Variants in CUX1 observed in about 807,000 individuals in gnomAD.
CUX1 encodes protein CASP.
In CUX1, 31 loss-of-function variants were observed where a neutral mutation model predicts 158.8. The ratio of observed to expected loss-of-function variants is 0.20; its 90% CI spans 0.15 to 0.26. CUX1 has a LOEUF of 0.26. Ranked by LOEUF, CUX1 falls within the 10% of genes least tolerant of loss-of-function variation. CUX1 has a pLI of 1.00. For missense variants in CUX1, 1,589 were observed against 2,014.6 expected (o/e 0.79, Z 4.04); for synonymous variants, 879 against 862.1 (o/e 1.02, Z -0.34).
At chr7:101,977,896 A>G (rs1312302787) in intron 2 of CUX1, among the ~76,000 whole-genome samples, 2 of 152,106 alleles carry the variant, frequency 1.3e-5, no homozygotes, top group East Asian at 3.8e-4. Context: ...ATGTGTGAAA[A>G]TTATTGAAAA....
chr7:102,193,603 G>A (rs1490036513), intron 12 of CUX1, among the ~76,000 whole-genome samples: 4 of 152,260 alleles, frequency 2.6e-5, no homozygotes, highest in East Asian at 1.9e-4. Flanking sequence ...TCAGGAGTTC[G>A]AGACTAGCCT....
chr7:101,840,165 A>G (rs1795068796), intron 1 of CUX1, among the ~76,000 whole-genome samples: 1 of 152,236 alleles, frequency 6.6e-6, no homozygotes. Context: ...GCTTGCTGTT[A>G]ATATTTTTAC....
rs782765843 is a variant in CUX1 at position 102,281,832 on chromosome 7, G to C, written c.1822-8G>C. On this transcript the variant is annotated splice_polypyrimidine_tract_variant and splice_region_variant and intron_variant, in intron 20 of 22. Transcript: ENST00000292538. Reference sequence around the variant, plus strand: ...CCCCATCCCCACTCACCCCCTCCTTGCTCCCAGGGGCGTCTGGTTCTCTCC... The same window carrying C: ...CCCCATCCCCACTCACCCCCTCCTTCCTCCCAGGGGCGTCTGGTTCTCTCC... 2.5e-6 allele frequency: 4 copies of C among 1,607,390 alleles called. No homozygotes were observed. In the Admixed American group the frequency reaches 6.7e-5, roughly 27 times the overall value.
chr7:102,017,146 A>T (rs901512882), intron 2 of CUX1, among the ~76,000 whole-genome samples: 9 of 152,046 alleles, frequency 5.9e-5, no homozygotes, highest in Non-Finnish European at 1.3e-4. Context: ...TCTACTAAAA[A>T]TGCAAAAATT....
intron 2 of CUX1, among the ~76,000 whole-genome samples, chr7:101,970,141 G>C (rs1286059745): frequency 2.0e-5 from 3 of 152,102 alleles, no homozygotes; most frequent in Non-Finnish European, 2.9e-5. Context: ...TCTAATTGCT[G>C]TGCTTGTTAA....
At chr7:101,816,484 G>C (rs1791800723), upstream of CUX1, among the ~76,000 whole-genome samples, 1 of 140,768 alleles carries the variant, frequency 7.1e-6, no homozygotes, top group Non-Finnish European at 1.6e-5. Context: ...GGCCCGCGGG[G>C]TGCGCGCGCG....
intron 8 of CUX1, among the ~76,000 whole-genome samples, chr7:102,150,406 T>C (rs1835510991): frequency 6.6e-6 from 1 of 152,194 alleles, no homozygotes; most frequent in African/African-American, 2.4e-5. Context: ...TCCACCTACC[T>C]CGGCCTCCCA....
intron 8 of CUX1, among the ~76,000 whole-genome samples, chr7:102,147,916 C>A (rs1243811703): frequency 6.6e-6 from 1 of 152,062 alleles, no homozygotes; most frequent in African/African-American, 2.4e-5. Context: ...GCGGAGGTTA[C>A]AGTGAACCGA....
intron 2 of CUX1, among the ~76,000 whole-genome samples, chr7:101,950,382 T>C (rs1808914665): frequency 6.6e-6 from 1 of 152,136 alleles, no homozygotes; most frequent in Non-Finnish European, 1.5e-5. Flanking sequence ...TTATATGAAA[T>C]TCAAATTTCA....
rs1804213722 is a variant in CUX1, at chr7:101,916,387, G to C, written c.141+162G>C. On this transcript the variant is annotated intron_variant, in intron 2 of 23. Transcript: ENST00000292535. This position sits in a 1 kb window ranked among gnomAD's most constrained non-coding sequence, Gnocchi z 4.4. ...TCTTCAGCCCCATTTCCAGCAGAAC[G>C]CATGCCATCCTGCAGGCTGTGGGGA... is the stretch of plus-strand genomic sequence containing the variant. 1 of 551,266 alleles carries C rather than the reference G, an allele frequency of 1.8e-6. No homozygotes were observed. Among genetic ancestry groups the C allele is most frequent in the East Asian group, 3.2e-5 (1 of 31,072 alleles). 34.1% of individuals were successfully genotyped at this position (551,266 alleles called of 1,614,324 possible).
At chr7:102,136,393 T>A (rs75393589) in intron 8 of CUX1, among the ~76,000 whole-genome samples, 233 of 142,042 alleles carry the variant, frequency 1.6e-3, no homozygotes, top group African/African-American at 6.0e-3. Flanking sequence ...TTTTACCAAC[T>A]TTTTTTTTTT....
At position 102,252,154 on chromosome 7, in the gene CUX1, G is replaced by T. The variant is rs1801583889; in HGVS notation, c.*3112G>T. ...AAAAAAAATAGAGATCCTAACCTTA[G>T]ATCTTTGATGTGAAGCTAGCACTGT... On this transcript the variant is annotated 3_prime_UTR_variant, in exon 24 of 24. Coordinates refer to ENST00000292535, the MANE Select transcript of CUX1 (RefSeq NM_181552.4). 1.0e-6 allele frequency: 1 copy of T among 985,082 alleles called. No individual in the cohort carries two copies. Among genetic ancestry groups the T allele is most frequent in the South Asian group, 4.7e-5 (1 of 21,286 alleles). 61.0% of individuals were successfully genotyped at this position (985,082 alleles called of 1,614,324 possible).
intron 1 of CUX1, among the ~76,000 whole-genome samples, chr7:101,879,234 G>A (rs1445859377): frequency 6.6e-6 from 1 of 152,118 alleles, no homozygotes; most frequent in Non-Finnish European, 1.5e-5. Flanking sequence ...GGGTGGGGAA[G>A]TGGGAATGCT....
intron 18 of CUX1, among the ~76,000 whole-genome samples, chr7:102,278,628 TTAAAATAAAA>T (rs55743678): frequency 2.7e-4 from 27 of 101,680 alleles, no homozygotes; most frequent in Non-Finnish European, 1.3e-4. Flanking sequence ...TAAAATAAAA[TTAAAATAAAA>T]TAAAATAAAA....
chr7:101,913,325 G>T, intron 1 of CUX1: 1 of 1,264,256 alleles, frequency 7.9e-7, no homozygotes, highest in Non-Finnish European at 1.0e-6. Flanking sequence ...TTCCCATGCC[G>T]ACCTGCATAT....
chr7:102,144,107 C>G (rs1317930470), intron 8 of CUX1, among the ~76,000 whole-genome samples: 1 of 152,196 alleles, frequency 6.6e-6, no homozygotes, highest in Admixed American at 6.6e-5. Flanking sequence ...AATCCATATT[C>G]TTTTCCACAG....
At chr7:102,075,411 G>GCA (rs1046733089) in intron 4 of CUX1, among the ~76,000 whole-genome samples, 13 of 152,206 alleles carry the variant, frequency 8.5e-5, no homozygotes, top group East Asian at 3.9e-4. Flanking sequence ...CCCTTCCCAT[G>GCA]CACACACACA....
chr7:101,958,844 C>CTTTTTTTTT (rs10667965), intron 2 of CUX1, among the ~76,000 whole-genome samples: 1 of 65,816 alleles, frequency 1.5e-5, no homozygotes, highest in African/African-American at 6.0e-5. Context: ...AGATGATGCC[C>CTTTTTTTTT]TTTTTTTTTT....
At chr7:101,816,113 G>A (rs958010792), upstream of CUX1, 2 of 1,326,654 alleles carry the variant, frequency 1.5e-6, no homozygotes, top group Non-Finnish European at 2.0e-6. Context: ...CTCCGCGCTC[G>A]GCCTCGCGCC....
Sources: gnomAD v4.1 joint callset for allele counts (sites outside exome capture counted in the v4.1 genomes callset) on GRCh38, gnomAD v4.1.1 for gene constraint, Gnocchi (gnomAD v3.1) non-coding constraint, MANE v1.5 for transcripts, NCBI Gene and HGNC (gene_info 2026-07-23, HGNC 2026-07-21) for gene names.